The following HACL1 variants were observed in gnomAD, a reference collection of about 807,000 sequenced individuals.
HACL1 encodes 2-hydroxyacyl-CoA lyase 1, also known as 1600020H07Rik.
Under a neutral mutation model 74.2 loss-of-function variants are expected in HACL1, and 64 were observed. The observed-to-expected ratio is 0.86, with a 90% confidence interval of 0.70 to 1.06. The LOEUF (loss-of-function observed/expected upper bound fraction) is 1.06. Ranked by LOEUF, HACL1 falls within the 50% of genes least tolerant of loss-of-function variation. The pLI is 0.00. For synonymous variants in HACL1, 230 were observed against 238.8 expected, an observed-to-expected ratio of 0.96 and a Z score of 0.34; for missense variants, 728 against 719.7, an observed-to-expected ratio of 1.01 and a Z score of -0.13.
chr3:15,573,483 C>G (rs73148172), intron 10 of HACL1, among the ~76,000 whole-genome samples: 23 of 152,144 alleles, frequency 1.5e-4, no homozygotes, highest in African/African-American at 5.6e-4. Context: ...TTTGGTATTG[C>G]TTCATTATAC....
rs1349845527 is a variant in HACL1 at position 15,575,018 on chromosome 3, CA to C, written c.867del (p.Phe289LeufsTer11). The C allele has an allele frequency of 3.1e-6, 5 of 1,593,940 alleles. No individual in the cohort carries two copies. Among genetic ancestry groups the C allele is most frequent in the Non-Finnish European group, 4.3e-6 (5 of 1,163,064 alleles). On this transcript the variant is annotated frameshift_variant, in exon 10 of 17. Transcript: ENST00000321169. LOFTEE classifies it high-confidence loss of function. ...FGARLNWILHFGLPPRYQPDV... is the reference protein window; with the variant it reads ...FGARLNWILHXGLPPRYQPDV... ...TCTGGCTGATATCTTGGAGGCAGTC[CA>C]AAATGTAAAATCCAATTTAGTCTGG...
chr3:15,586,469 T>A (rs2063795974), intron 6 of HACL1, 56 bp downstream of exon 6: 1 of 880,940 alleles, frequency 1.1e-6, no homozygotes. Context: ...TAACAGTAAG[T>A]ATGAGCAACT....
rs373687483 is a variant in HACL1, at chr3:15,574,705, G to T, written c.909+272C>A. ...CTCTACCTTTAAATATACTTGAATT[G>T]TGAATAAAAGACAAATTATGCTTTC... On this transcript the variant is annotated intron_variant, in intron 10 of 16. Transcript: ENST00000321169. 2.6e-5 allele frequency among the ~76,000 whole-genome samples: 4 copies of T among 152,148 alleles called. No individual in the cohort carries two copies. The East Asian group carries it at 7.7e-4, about 29-fold the overall frequency.
intron 9 of HACL1, among the ~76,000 whole-genome samples, chr3:15,577,489 GA>G (rs111623258): frequency 2.2e-3 from 293 of 136,046 alleles, no homozygotes; most frequent in African/African-American, 6.3e-3. Context: ...TTCCTAAAAA[GA>G]AAAAAAAAAA....
chr3:15,581,322 A>ATT (rs533939109), intron 8 of HACL1, among the ~76,000 whole-genome samples: 1 of 150,362 alleles, frequency 6.7e-6, no homozygotes. Flanking sequence ...CAAGACCACT[A>ATT]TTTTTTTTTG....
chr3:15,601,126 T>G lies in HACL1; in HGVS notation c.150A>C (p.Leu50=). 6.2e-7 allele frequency: 1 copy of G among 1,613,778 alleles called. No individual in the cohort carries two copies. Among genetic ancestry groups the G allele is most frequent in the East Asian group, 2.2e-5 (1 of 44,886 alleles). Residue 50 remains leucine (L), a synonymous_variant, in exon 2 of 17, where the codon CTA becomes CTC. Coordinates refer to ENST00000321169, the MANE Select transcript of HACL1 (RefSeq NM_012260.4). ...TCCTCATCCCGATGTACTTGATGCC[T>G]AGCTGCTGGGCAGCAATGGCGATTT... ...VTEIAIAAQQ[L]GIKYIGMRNE...
chr3:15,580,188 C>A (rs1038565134), intron 8 of HACL1, 143 bp from the exon 9 acceptor site: 3 of 652,356 alleles, frequency 4.6e-6, no homozygotes, highest in African/African-American at 3.8e-5. Flanking sequence ...AGTGCAGTGG[C>A]ATGATTTTGG....
intron 5 of HACL1, among the ~76,000 whole-genome samples, chr3:15,586,881 T>C (rs1238764044): frequency 6.6e-6 from 1 of 152,174 alleles, no homozygotes; most frequent in Non-Finnish European, 1.5e-5. Flanking sequence ...TAGGCACTTC[T>C]ATAAACTGCT....
chr3:15,600,819 AG>A, intron 2 of HACL1: 1 of 547,182 alleles, frequency 1.8e-6, no homozygotes, highest in Non-Finnish European at 3.3e-6. Flanking sequence ...ACAGTATAGT[AG>A]TAAGAGAATG....
chr3:15,571,828 T>TG, intron 11 of HACL1, 59 bp from the exon 12 acceptor site: 1 of 366,214 alleles, frequency 2.7e-6, no homozygotes. Flanking sequence ...GCCTTTTTTT[T>TG]CTTTTTTTTT....
chr3:15,561,919 A>C (rs1574901733), intron 16 of HACL1, among the ~76,000 whole-genome samples: 1 of 152,302 alleles, frequency 6.6e-6, no homozygotes, highest in East Asian at 1.9e-4. Context: ...GCCTCAAGTG[A>C]TCCGCCCACC....
intron 2 of HACL1, chr3:15,600,884 T>C (rs2064206080): frequency 1.6e-6 from 1 of 607,676 alleles, no homozygotes; most frequent in Non-Finnish European, 3.0e-6. Context: ...CTACCAGCTG[T>C]GTCACCAAAG....
chr3:15,594,355 G>A (rs1381215493), intron 3 of HACL1, among the ~76,000 whole-genome samples: 1 of 152,132 alleles, frequency 6.6e-6, no homozygotes, highest in African/African-American at 2.4e-5. Context: ...GCAGTGAGCC[G>A]AGATGGTGCC....
chr3:15,571,554 C>T (rs541771095), intron 12 of HACL1, 114 bp downstream of exon 12: 2 of 722,504 alleles, frequency 2.8e-6, no homozygotes, highest in Non-Finnish European at 2.5e-6. Flanking sequence ...GGGGTTTTCA[C>T]TGCACAATTT....
At chr3:15,596,335 T>C in intron 3 of HACL1, 49 bp downstream of exon 3, 1 of 975,374 alleles carries the variant, frequency 1.0e-6, no homozygotes, top group African/African-American at 1.6e-5. Context: ...ACGTAATAGT[T>C]CTACCCCAAA....
At chr3:15,599,729 G>A (rs1228893928) in intron 2 of HACL1, among the ~76,000 whole-genome samples, 1 of 152,094 alleles carries the variant, frequency 6.6e-6, no homozygotes, top group Non-Finnish European at 1.5e-5. Context: ...GTCTTTTTCT[G>A]TAAGTCTTAC....
At chr3:15,590,429 G>A (rs1404795660) in intron 4 of HACL1, among the ~76,000 whole-genome samples, 1 of 151,842 alleles carries the variant, frequency 6.6e-6, no homozygotes, top group Non-Finnish European at 1.5e-5. Context: ...AAGTAAAGAA[G>A]AAACTATAAG....
chr3:15,564,276 G>C (rs2063394890), intron 15 of HACL1, among the ~76,000 whole-genome samples: 1 of 152,212 alleles, frequency 6.6e-6, no homozygotes, highest in Non-Finnish European at 1.5e-5. Context: ...AGTCCAGGGA[G>C]CATTTTGCAA....
chr3:15,601,407 G>T lies in HACL1; in HGVS notation c.57C>A (p.Val19=). The change falls in exon 1 of 17, where the codon GTC becomes GTA. Residue 19 remains valine (V), a synonymous_variant. Coordinates refer to ENST00000321169, the MANE Select transcript of HACL1 (RefSeq NM_012260.4). The stretch of plus-strand genomic sequence containing the variant: ...CTTGCGTTTTCAGGGCCTGAGCGAT[G>T]ACTTTAGCACCAGACACCTGCTCCT... ...RSEEQVSGAK[V]IAQALKTQDV... 6.2e-7 allele frequency: 1 copy of T among 1,614,074 alleles called. No homozygotes were observed. Among genetic ancestry groups the T allele is most frequent in the Middle Eastern group, 1.6e-4 (1 of 6,062 alleles).
Sources: gnomAD v4.1 joint callset for allele counts (sites outside exome capture counted in the v4.1 genomes callset) on GRCh38, gnomAD v4.1.1 for gene constraint, MANE v1.5 for transcripts, NCBI Gene and HGNC (gene_info 2026-07-23, HGNC 2026-07-21) for gene names.